PTK2B: variants seen among roughly 807,000 people sequenced by gnomAD.
The protein encoded by PTK2B is protein-tyrosine kinase 2-beta.
Under a neutral mutation model 142.9 loss-of-function variants are expected in PTK2B, and 71 were observed. That is an observed-to-expected ratio of 0.50 (90% confidence interval 0.41 to 0.61). The LOEUF is 0.61. Ranked by LOEUF, PTK2B falls within the 20% of genes least tolerant of loss-of-function variation. PTK2B has a pLI of 0.00. For synonymous variants in PTK2B, 519 were observed against 503.4 expected (o/e 1.03, Z -0.42); for missense variants, 1,105 against 1,320.4 (o/e 0.84, Z 2.53).
upstream of PTK2B, chr8:27,311,326 A>C (rs1802959033): frequency 2.9e-6 from 4 of 1,389,462 alleles, no homozygotes; most frequent in East Asian, 7.7e-5. Context: ...AGTGCTGGGA[A>C]TCGCCCAGTC....
intron 1 of PTK2B, among the ~76,000 whole-genome samples, chr8:27,332,057 G>T (rs1320804071): frequency 6.6e-6 from 1 of 152,210 alleles, no homozygotes; most frequent in African/African-American, 2.4e-5. Flanking sequence ...CAGATGTTTG[G>T]TGCTGGCAGA....
intron 3 of PTK2B, among the ~76,000 whole-genome samples, chr8:27,319,413 C>T (rs865834551): frequency 3.3e-5 from 5 of 149,898 alleles, no homozygotes; most frequent in East Asian, 2.0e-4. Flanking sequence ...GAGGCCAAGG[C>T]GGGAGGATCA....
chr8:27,388,061 C>T (rs1807480686), intron 1 of PTK2B, among the ~76,000 whole-genome samples: 1 of 152,180 alleles, frequency 6.6e-6, no homozygotes, highest in South Asian at 2.1e-4. Flanking sequence ...AACAGTCTGC[C>T]ATCCAGGTTA....
intron 15 of PTK2B, 148 bp from the exon 16 acceptor site, chr8:27,436,974 G>A (rs1363103917): frequency 2.7e-6 from 2 of 727,630 alleles, no homozygotes; most frequent in African/African-American, 1.7e-5. Flanking sequence ...GGAGAAGAGA[G>A]GAAGACAAAG....
intron 1 of PTK2B, among the ~76,000 whole-genome samples, chr8:27,342,888 T>A (rs770818243): frequency 4.6e-5 from 7 of 152,186 alleles, no homozygotes; most frequent in Non-Finnish European, 1.0e-4. Flanking sequence ...GAGAAGGGCC[T>A]GAGAAACAAA....
chr8:27,370,369 G>A (rs758823521), intron 1 of PTK2B, among the ~76,000 whole-genome samples: 18 of 152,146 alleles, frequency 1.2e-4, no homozygotes, highest in South Asian at 2.1e-4. Flanking sequence ...CAAATGAAGA[G>A]ACATGTATAT....
At chr8:27,453,067 T>C in intron 27 of PTK2B, 47 bp from the exon 28 acceptor site, 2 of 1,607,036 alleles carry the variant, frequency 1.2e-6, no homozygotes, top group Non-Finnish European at 1.7e-6. Context: ...AAGGGAAGGG[T>C]TGGAGTGCTG....
At position 27,435,769 on chromosome 8, in the gene PTK2B, G is replaced by T; in HGVS notation, c.1219G>T (p.Asp407Tyr). 1 of 1,614,106 alleles carries T rather than the reference G, an allele frequency of 6.2e-7. No individual in the cohort carries two copies. Among genetic ancestry groups the T allele is most frequent in the South Asian group, 1.1e-5 (1 of 91,084 alleles). ...IESDIYAEIP[D>Y]ETLRRPGGPQ... ...GTCAGACATCTACGCAGAGATTCCC[G>T]ACGAAACCCTGCGAAGGCCCGGAGG... Residue 407 changes from aspartate (D) to tyrosine (Y), a missense_variant, in exon 14 of 31, where the codon GAC becomes TAC. Transcript: ENST00000346049.
intron 4 of PTK2B, 116 bp from the exon 5 acceptor site, chr8:27,422,188 G>A (rs2241652): frequency 0.83 from 732,975 of 882,860 alleles, 307,174 homozygotes; most frequent in Middle Eastern, 0.93. Context: ...GTTTGTGGTG[G>A]GGTGGGTGGC....
At chr8:27,437,025 G>A in intron 15 of PTK2B, 97 bp from the exon 16 acceptor site, 1 of 1,182,726 alleles carries the variant, frequency 8.5e-7, no homozygotes, top group Non-Finnish European at 1.3e-6. Flanking sequence ...CCCTTTCCTG[G>A]CAGCAAAATC....
chr8:27,334,096 A>C, intron 1 of PTK2B, among the ~76,000 whole-genome samples: 1 of 151,258 alleles, frequency 6.6e-6, no homozygotes, highest in East Asian at 1.9e-4. Context: ...CTTGCCCATC[A>C]CTCAATCCTG....
intron 15 of PTK2B, among the ~76,000 whole-genome samples, chr8:27,436,727 C>T (rs1810802722): frequency 6.6e-6 from 1 of 152,024 alleles, no homozygotes; most frequent in Non-Finnish European, 1.5e-5. Flanking sequence ...TGTGGTAACG[C>T]TTCTAGCAGG....
At chr8:27,419,799 C>A in intron 2 of PTK2B, 96 bp from the exon 3 acceptor site, 2 of 1,334,836 alleles carry the variant, frequency 1.5e-6, no homozygotes, top group Non-Finnish European at 1.0e-6. Flanking sequence ...AGACAGAATC[C>A]CACCCTAGAG....
chr8:27,422,180 T>A, intron 4 of PTK2B, 124 bp from the exon 5 acceptor site: 3 of 845,646 alleles, frequency 3.5e-6, no homozygotes, highest in Non-Finnish European at 5.4e-6. Flanking sequence ...CCATGCTTGT[T>A]TGTGGTGGGG....
rs772765943 is a variant in PTK2B at position 27,444,228 on chromosome 8, C to T, written c.2171C>T (p.Pro724Leu). Residue 724 changes from proline to leucine, a missense_variant, in exon 23 of 31, where the codon CCC (proline) becomes CTC (leucine). Pro to Leu is a moderately conservative substitution (Grantham distance 98, BLOSUM62 -3). Coordinates refer to ENST00000346049, the MANE Select transcript of PTK2B (RefSeq NM_173176.3). ...CAGCCCAGCCGACCTAAGTACAGAC[C>T]CCCTCCGCAAACCAACCTCCTGGCT... is the stretch of plus-strand genomic sequence containing the variant. Reference protein sequence around the residue: ...PPKPSRPKYRPPPQTNLLAPK... With the variant: ...PPKPSRPKYRLPPQTNLLAPK... 6 of 1,613,718 alleles carry T rather than the reference C, an allele frequency of 3.7e-6. No homozygotes were observed. The African/African-American group carries it at 6.7e-5, about 18-fold the overall frequency.
At chr8:27,375,146 C>G (rs557006154) in intron 1 of PTK2B, among the ~76,000 whole-genome samples, 1 of 152,270 alleles carries the variant, frequency 6.6e-6, no homozygotes, top group African/African-American at 2.4e-5. Flanking sequence ...TGTGATCTCA[C>G]AATCATGAGG....
rs183061364 is a variant in PTK2B at position 27,418,186 on chromosome 8, A to G, written c.205-1709A>G. 2.6e-5 allele frequency among the ~76,000 whole-genome samples: 4 copies of G among 152,184 alleles called. No individual in the cohort carries two copies. The East Asian group carries it at 7.7e-4, about 29-fold the overall frequency. On this transcript the variant is annotated intron_variant, in intron 2 of 30. Coordinates refer to ENST00000346049, the MANE Select transcript of PTK2B (RefSeq NM_173176.3). The stretch of plus-strand genomic sequence containing the variant: ...GCAGTCGTCACCCTCTGTGACGGGC[A>G]TTTTCTTTCCTAATGGGGAAGGGAT...
intron 1 of PTK2B, among the ~76,000 whole-genome samples, chr8:27,330,430 T>C (rs761675822): frequency 6.6e-6 from 1 of 152,218 alleles, no homozygotes; most frequent in Non-Finnish European, 1.5e-5. Flanking sequence ...CTAATCCCAC[T>C]CTCAGTTCAC....
chr8:27,332,650 C>G (rs982777930), intron 1 of PTK2B, among the ~76,000 whole-genome samples: 6 of 152,108 alleles, frequency 3.9e-5, no homozygotes, highest in African/African-American at 1.4e-4. Flanking sequence ...GGTGCGATCA[C>G]ACCTCACAGC....
Sources: allele counts gnomAD v4.1 joint callset (sites outside exome capture counted in the v4.1 genomes callset), GRCh38; gene constraint gnomAD v4.1.1; transcripts MANE v1.5; gene names NCBI Gene and HGNC (gene_info 2026-07-23, HGNC 2026-07-21).